Variants in PRR29 observed in about 807,000 individuals in gnomAD.
PRR29 encodes proline-rich protein 29.
A neutral mutation model predicts 25.1 loss-of-function variants in PRR29; 20 were observed. The observed-to-expected ratio is 0.80, with a 90% CI of 0.56 to 1.16. PRR29 has a LOEUF of 1.16. Ranked by LOEUF, PRR29 falls within the 50% of genes most tolerant of loss-of-function variation. The pLI is 0.00. For synonymous variants in PRR29, 108 were observed against 102.6 expected (o/e 1.05, Z -0.32); for missense variants, 238 against 246.6 (o/e 0.97, Z 0.23).
At position 64,004,211 on chromosome 17, in the gene PRR29, G is replaced by C. The variant is rs1256301736; in HGVS notation, c.*2450G>C. On this transcript the variant is annotated 3_prime_UTR_variant, in exon 6 of 6. Transcript: ENST00000412177. Reference sequence around the variant, plus strand: ...AAGGACAAGGTTCAGAAATTGTACAGCCAACTGGAAAGATATAAAAGTTTG... The same window carrying C: ...AAGGACAAGGTTCAGAAATTGTACACCCAACTGGAAAGATATAAAAGTTTG... 2.0e-6 allele frequency: 1 copy of C among 508,392 alleles called. No homozygotes were observed. Among genetic ancestry groups the C allele is most frequent in the African/African-American group, 1.9e-5 (1 of 52,480 alleles). The allele number at this position is 508,392 out of a possible 1,614,324, so 31.5% of individuals were successfully genotyped here.
In PRR29 at chr17:64,002,355, G is replaced by C. The variant is rs1910830597; in HGVS notation, c.*594G>C. The C allele has an allele frequency of 2.5e-6, 1 of 405,518 alleles. No homozygotes were observed. The highest frequency in any genetic ancestry group is 4.6e-6 in the Non-Finnish European group (1 of 219,056). 25.1% of individuals were successfully genotyped at this position (405,518 alleles called of 1,614,324 possible). ...GTCCTGCTGTGGCCAGGAGTGGCCT[G>C]AGGTCTCCTGGGGCCAGGTGGGAAC... is the stretch of plus-strand genomic sequence containing the variant. On this transcript the variant is annotated 3_prime_UTR_variant, in exon 6 of 6. Transcript: ENST00000412177.
Position 64,003,447 on chromosome 17 carries a change from C to T in PRR29, c.*1686C>T, listed in dbSNP as rs1910949460. 1.7e-6 allele frequency: 1 copy of T among 602,678 alleles called. No homozygotes were observed. The highest frequency in any genetic ancestry group is 2.0e-5 in the South Asian group (1 of 49,718). The allele number at this position is 602,678 out of a possible 1,614,324, so 37.3% of individuals were successfully genotyped here. A position where few individuals can be genotyped will look rare whatever the true frequency, so the allele number is the denominator to read the frequency against. On this transcript the variant is annotated 3_prime_UTR_variant, in exon 6 of 6. Coordinates refer to ENST00000412177, the MANE Select transcript of PRR29 (RefSeq NM_001164257.2). Reference sequence around the variant, plus strand: ...TGGCCGAGGAACTAGTTGACCTCTCCCGACCTCTGGAGCAGTTGAGGTCCA... The same window carrying T: ...TGGCCGAGGAACTAGTTGACCTCTCTCGACCTCTGGAGCAGTTGAGGTCCA...
At chr17:64,001,664 C>G in intron 5 of PRR29, 69 bp from the exon 6 acceptor site, 1 of 1,525,058 alleles carries the variant, frequency 6.6e-7, no homozygotes, top group South Asian at 1.2e-5. Flanking sequence ...CTGGCCTGTC[C>G]CCTTCCCTTT....
Position 64,001,538 on chromosome 17 carries a change from G to T in PRR29, c.541+1G>T, listed in dbSNP as rs1012025816. On this transcript the variant is annotated splice_donor_variant, in intron 5 of 5. Transcript: ENST00000412177. LOFTEE classifies it high-confidence loss of function. ...GGTGCTGATGTACCCCCGGCTTCAG[G>T]TAGGGCTGGGGTGGTGGGCAGCGGG... 6.6e-7 allele frequency: 1 copy of T among 1,518,208 alleles called. No individual in the cohort carries two copies. Among genetic ancestry groups the T allele is most frequent in the African/African-American group, 1.4e-5 (1 of 72,298 alleles). The allele number at this position is 1,518,208 out of a possible 1,614,324, so 94.0% of individuals were successfully genotyped here.
intron 3 of PRR29, among the ~76,000 whole-genome samples, chr17:64,000,317 T>G (rs973220635): frequency 6.6e-6 from 1 of 152,178 alleles, no homozygotes; most frequent in African/African-American, 2.4e-5. Context: ...AACCCATTCT[T>G]TTTTTCTTTT....
At chr17:63,999,320 T>C in intron 3 of PRR29, 2 of 559,796 alleles carry the variant, frequency 3.6e-6, no homozygotes, top group Non-Finnish European at 3.2e-6. Flanking sequence ...CTGTAGTGCC[T>C]CCCCCACTGG....
intron 1 of PRR29, 55 bp downstream of exon 1, chr17:63,998,479 G>A: frequency 6.9e-7 from 1 of 1,441,912 alleles, no homozygotes; most frequent in Non-Finnish European, 9.1e-7. Context: ...CGGCAGAGTG[G>A]GGAGCTGTCC....
At chr17:64,000,531 A>G (rs1050947935) in intron 3 of PRR29, among the ~76,000 whole-genome samples, 127 of 149,686 alleles carry the variant, frequency 8.5e-4, no homozygotes, top group African/African-American at 2.9e-3. Context: ...GGGTTTCACT[A>G]TGTTAGCCAG....
Position 64,003,802 on chromosome 17 carries a change from G to A in PRR29, c.*2041G>A. 6.2e-7 allele frequency: 1 copy of A among 1,614,260 alleles called. No homozygotes were observed. The highest frequency in any genetic ancestry group is 1.6e-4 in the Middle Eastern group (1 of 6,062). ...TGTGGCCTCCTGCGGAGCAGGGGCTGCCTTCCCGAAGGTCTCATAGTGCAG... is the reference window on the plus strand; with the variant it reads ...TGTGGCCTCCTGCGGAGCAGGGGCTACCTTCCCGAAGGTCTCATAGTGCAG... On this transcript the variant is annotated 3_prime_UTR_variant, in exon 6 of 6. Transcript: ENST00000412177.
chr17:64,001,096 G>A lies in PRR29; in HGVS notation c.256G>A (p.Val86Ile), dbSNP rs1049015991. 5 of 1,537,434 alleles carry A rather than the reference G, an allele frequency of 3.3e-6. No homozygotes were observed. The highest frequency in any genetic ancestry group is 2.0e-5 in the Admixed American group (1 of 50,998). The change falls in exon 4 of 6, where the codon GTT (valine) becomes ATT (isoleucine). Residue 86 changes from valine to isoleucine, a missense_variant. Transcript: ENST00000412177. ...ASPCPQVYLE[V>I]PQEEPEEEEE... is the part of the protein sequence containing the mutation. ...GCACAATCCCCAGGTCTACCTGGAG[G>A]TTCCACAGGAAGAGCCTGAGGAGGA... is the stretch of plus-strand genomic sequence containing the variant.
intron 3 of PRR29, 176 bp from the exon 4 acceptor site, chr17:64,000,908 C>T (rs1345089534): frequency 2.0e-5 from 12 of 615,160 alleles, no homozygotes; most frequent in Non-Finnish European, 2.9e-5. Flanking sequence ...CCTTGTGATC[C>T]GCCCGCCTCG....
chr17:64,001,471 G>C lies in PRR29; in HGVS notation c.475G>C (p.Ala159Pro). 1 of 1,483,988 alleles carries C rather than the reference G, an allele frequency of 6.7e-7. No individual in the cohort carries two copies. The highest frequency in any genetic ancestry group is 1.4e-5 in the African/African-American group (1 of 70,932). The allele number at this position is 1,483,988 out of a possible 1,614,324, so 91.9% of individuals were successfully genotyped here. ...CPASREREVR[A>P]VPPPPPPSAT... ...TTTTTCTTTCCCCCATCTCAGGAGA[G>C]CTGTGCCCCCACCCCCACCCCCCAG... Residue 159 changes from alanine to proline, a missense_variant, in exon 5 of 6, where the codon GCT becomes CCT. Physicochemically the swap from Ala to Pro is conservative, Grantham distance 27 (BLOSUM62 -1). Transcript: ENST00000412177.
In PRR29 at chr17:64,003,015, C is replaced by T. The variant is rs1442245734; in HGVS notation, c.*1254C>T. 1.7e-6 allele frequency: 2 copies of T among 1,207,812 alleles called. No individual in the cohort carries two copies. The highest frequency in any genetic ancestry group is 2.3e-6 in the Non-Finnish European group (2 of 862,054). The allele number at this position is 1,207,812 out of a possible 1,614,324, so 74.8% of individuals were successfully genotyped here. On this transcript the variant is annotated 3_prime_UTR_variant, in exon 6 of 6. Transcript: ENST00000412177. ...AGTGGAAGTCCACCCCCAACCCAGA[C>T]CCCCAGACCCCGCCGCCCGCTCATG... is the stretch of plus-strand genomic sequence containing the variant.
intron 5 of PRR29, 55 bp downstream of exon 5, chr17:64,001,592 C>T: frequency 1.3e-6 from 2 of 1,489,292 alleles, no homozygotes; most frequent in East Asian, 2.5e-5. Flanking sequence ...ATCAGGAGGC[C>T]AGGAGGGCCC....
At position 64,002,788 on chromosome 17, in the gene PRR29, G is replaced by T. The variant is rs780687362; in HGVS notation, c.*1027G>T. 1 of 1,613,336 alleles carries T rather than the reference G, an allele frequency of 6.2e-7. No individual in the cohort carries two copies. Among genetic ancestry groups the T allele is most frequent in the Non-Finnish European group, 8.5e-7 (1 of 1,179,966 alleles). On this transcript the variant is annotated 3_prime_UTR_variant, in exon 6 of 6. Coordinates refer to ENST00000412177, the MANE Select transcript of PRR29 (RefSeq NM_001164257.2). ...TGGGGCAGCCTCCTCCAAGCCGCTC[G>T]CACCCCGTAGGTGCCCATCCGCTGC...
In PRR29 at chr17:64,003,149, G is replaced by A; in HGVS notation, c.*1388G>A. On this transcript the variant is annotated 3_prime_UTR_variant, in exon 6 of 6. Coordinates refer to ENST00000412177, the MANE Select transcript of PRR29 (RefSeq NM_001164257.2). The stretch of plus-strand genomic sequence containing the variant: ...GGCTCAGGCTACCAGCTGGACTTCT[G>A]TGTGGCTGTGAGGGCAGATGTCCCC... 1.8e-6 allele frequency: 1 copy of A among 546,800 alleles called. No homozygotes were observed. The highest frequency in any genetic ancestry group is 3.3e-6 in the Non-Finnish European group (1 of 305,132). 33.9% of individuals were successfully genotyped at this position (546,800 alleles called of 1,614,324 possible).
In PRR29 at chr17:64,001,222, G is replaced by T. The variant is rs754131013; in HGVS notation, c.382G>T (p.Ala128Ser). 2.6e-6 allele frequency: 4 copies of T among 1,537,246 alleles called. No homozygotes were observed. The African/African-American group carries it at 4.1e-5, about 16-fold the overall frequency. Residue 128 changes from alanine (A) to serine (S), a missense_variant, in exon 4 of 6, where the codon GCC (alanine) becomes TCC (serine). By Grantham distance (99) the Ala-to-Ser change is moderately conservative (BLOSUM62 1). Coordinates refer to ENST00000412177, the MANE Select transcript of PRR29 (RefSeq NM_001164257.2). ...PSPGALLPWP[A>S]PFFPTPACQP... ...CCCGGGTGCCCTGCTGCCCTGGCCAGCCCCCTTCTTCCCCACCCCTGCTTG... is the reference window on the plus strand; with the variant it reads ...CCCGGGTGCCCTGCTGCCCTGGCCATCCCCCTTCTTCCCCACCCCTGCTTG...
Position 63,998,396 on chromosome 17 carries a change from G to T in PRR29, c.32G>T (p.Arg11Leu). The part of the protein sequence containing the change: MASGAGGSWG[R>L]SPPQSAVPTP... ...TCTGGGGCGGGCGGAAGCTGGGGTC[G>T]CTCCCCACCGCAGAGCGCAGTCCCG... Residue 11 changes from arginine (R) to leucine (L), a missense_variant, in exon 1 of 6, where the codon CGC becomes CTC. Transcript: ENST00000412177. 4 of 1,515,886 alleles carry T rather than the reference G, an allele frequency of 2.6e-6. No homozygotes were observed. The African/African-American group carries it at 4.1e-5, about 16-fold the overall frequency. The allele number at this position is 1,515,886 out of a possible 1,614,324, so 93.9% of individuals were successfully genotyped here. A position where few individuals can be genotyped will look rare whatever the true frequency, so the allele number is the denominator to read the frequency against.
chr17:63,998,919 G>A (rs1278779334), intron 2 of PRR29, 49 bp from the exon 3 acceptor site: 1 of 1,504,556 alleles, frequency 6.6e-7, no homozygotes, highest in Non-Finnish European at 8.9e-7. Flanking sequence ...GTGTCAGGGG[G>A]AGGGGGACTC....
Sources: allele counts gnomAD v4.1 joint callset (sites outside exome capture counted in the v4.1 genomes callset), GRCh38; gene constraint gnomAD v4.1.1; transcripts MANE v1.5; gene names NCBI Gene and HGNC (gene_info 2026-07-23, HGNC 2026-07-21).